The following CADM2 variants were observed in gnomAD, a reference collection of about 807,000 sequenced individuals.
CADM2 encodes the protein cell adhesion molecule 2.
Under a neutral mutation model 49.8 loss-of-function variants are expected in CADM2, and 12 were observed. The observed-to-expected ratio is 0.24, with a 90% CI of 0.15 to 0.39. The LOEUF (loss-of-function observed/expected upper bound fraction) is 0.39, where lower values mean the gene tolerates loss of function less well. Ranked by LOEUF, CADM2 falls within the 10% of genes least tolerant of loss-of-function variation. The pLI is 1.00. For missense variants in CADM2, 378 were observed against 492.3 expected, an observed-to-expected ratio of 0.77 and a Z score of 2.20; for synonymous variants, 214 against 175.4, an observed-to-expected ratio of 1.22 and a Z score of -1.74.
At chr3:85,325,794 T>C (rs1249822730) in intron 1 of CADM2, among the ~76,000 whole-genome samples, 3 of 152,152 alleles carry the variant, frequency 2.0e-5, no homozygotes, top group African/African-American at 4.8e-5. Flanking sequence ...ATTTCTGCTA[T>C]TCCTTTCAAA....
chr3:85,369,340 G>A (rs924258437), intron 1 of CADM2, among the ~76,000 whole-genome samples: 2 of 152,192 alleles, frequency 1.3e-5, no homozygotes, highest in African/African-American at 2.4e-5. Flanking sequence ...GGTCCCAGAA[G>A]ATTATAATGA....
At chr3:85,193,131 A>C (rs887058199) in intron 1 of CADM2, among the ~76,000 whole-genome samples, 4 of 152,098 alleles carry the variant, frequency 2.6e-5, no homozygotes, top group African/African-American at 9.7e-5. Context: ...TTGATATGAC[A>C]GAAAAGTATT....
chr3:85,714,885 C>A (rs557067761), intron 1 of CADM2, among the ~76,000 whole-genome samples: 1 of 152,118 alleles, frequency 6.6e-6, no homozygotes, highest in African/African-American at 2.4e-5. Context: ...CCATTATAAC[C>A]ATTACAAAGC....
At chr3:86,021,095 G>A (rs1301104181) in intron 8 of CADM2, among the ~76,000 whole-genome samples, 2 of 152,110 alleles carry the variant, frequency 1.3e-5, no homozygotes, top group African/African-American at 4.8e-5. Flanking sequence ...CGCCTCCCAG[G>A]TTTAAGTGAT....
intron 1 of CADM2, among the ~76,000 whole-genome samples, chr3:84,978,307 C>T (rs1332589797): frequency 6.6e-6 from 1 of 152,032 alleles, no homozygotes; most frequent in Non-Finnish European, 1.5e-5. Context: ...TTCTGGCACA[C>T]AGTTGTTCAA....
chr3:84,999,491 A>G (rs57540402), intron 1 of CADM2, among the ~76,000 whole-genome samples: 1,887 of 152,272 alleles, frequency 0.012, 37 homozygotes, highest in African/African-American at 0.043. Flanking sequence ...AGCACTAGAT[A>G]GATGGTACTT....
chr3:85,424,649 T>A (rs1199764266), intron 1 of CADM2, among the ~76,000 whole-genome samples: 1 of 152,158 alleles, frequency 6.6e-6, no homozygotes, highest in African/African-American at 2.4e-5. Context: ...AATTTGCTAA[T>A]TACAACAAAA....
chr3:85,889,316 G>A (rs367637390), intron 5 of CADM2, among the ~76,000 whole-genome samples: 51 of 152,216 alleles, frequency 3.4e-4, no homozygotes, highest in African/African-American at 1.2e-3. Context: ...CTTGGTTATA[G>A]AACAGTGGTT....
chr3:85,566,739 G>A (rs981187434), intron 1 of CADM2, among the ~76,000 whole-genome samples: 1 of 152,116 alleles, frequency 6.6e-6, no homozygotes, highest in African/African-American at 2.4e-5. Flanking sequence ...CAAACTTGCA[G>A]CACTTTTAAG....
chr3:85,358,553 T>C (rs1188022956), intron 1 of CADM2, among the ~76,000 whole-genome samples: 10 of 152,102 alleles, frequency 6.6e-5, no homozygotes, highest in Non-Finnish European at 7.4e-5. Flanking sequence ...TGAATATGCA[T>C]TTTAATGTGC....
chr3:85,625,380 GA>G (rs563109375), intron 1 of CADM2, among the ~76,000 whole-genome samples: 1 of 151,488 alleles, frequency 6.6e-6, no homozygotes, highest in African/African-American at 2.4e-5. Flanking sequence ...AGTGAAAAAA[GA>G]AAAAAAGAAA....
At chr3:85,259,208 C>G (rs1395453848) in intron 1 of CADM2, among the ~76,000 whole-genome samples, 1 of 152,148 alleles carries the variant, frequency 6.6e-6, no homozygotes, top group Non-Finnish European at 1.5e-5. Context: ...ACAGTCAAGT[C>G]ATTGAACGCC....
Position 86,038,652 on chromosome 3 carries a change from TC to T in CADM2, c.971-26949del, listed in dbSNP as rs1735466842. ...ATAATTCTACATTCTATTACATTTTTCCCCTGATCTAGAGTAAGAAAGTAGA... is the reference window on the plus strand; with the variant it reads ...ATAATTCTACATTCTATTACATTTTTCCCTGATCTAGAGTAAGAAAGTAGA... On this transcript the variant is annotated intron_variant, in intron 8 of 9. Transcript: ENST00000383699. Among the ~76,000 whole-genome samples, 3 of 152,190 alleles carry T rather than the reference TC, an allele frequency of 2.0e-5. No individual in the cohort carries two copies. The South Asian group carries it at 6.2e-4, about 32-fold the overall frequency.
intron 1 of CADM2, among the ~76,000 whole-genome samples, chr3:85,067,846 A>C (rs1404080348): frequency 6.6e-6 from 1 of 152,182 alleles, no homozygotes; most frequent in Non-Finnish European, 1.5e-5. Flanking sequence ...TTTTCAACAA[A>C]GGGAGAAGTG....
At chr3:85,503,853 C>A (rs1299686399) in intron 1 of CADM2, among the ~76,000 whole-genome samples, 1 of 152,192 alleles carries the variant, frequency 6.6e-6, no homozygotes, top group Non-Finnish European at 1.5e-5. Flanking sequence ...AACCTATAGT[C>A]TTTTCTGCAT....
chr3:85,210,529 T>C (rs1176644806), intron 1 of CADM2, among the ~76,000 whole-genome samples: 2 of 151,998 alleles, frequency 1.3e-5, no homozygotes, highest in African/African-American at 2.4e-5. Flanking sequence ...TTTTCCTCTA[T>C]TTTTGGGGAT....
chr3:85,621,326 T>C (rs956839441), intron 1 of CADM2, among the ~76,000 whole-genome samples: 1 of 152,156 alleles, frequency 6.6e-6, no homozygotes, highest in Admixed American at 6.6e-5. Context: ...CTGAGTTGTT[T>C]TTTAAATAAA....
At chr3:85,062,075 C>T (rs2036348080) in intron 1 of CADM2, among the ~76,000 whole-genome samples, 1 of 151,632 alleles carries the variant, frequency 6.6e-6, no homozygotes, top group South Asian at 2.1e-4. Context: ...CTCTCTCACT[C>T]ATACACACAC....
intron 1 of CADM2, among the ~76,000 whole-genome samples, chr3:85,254,528 A>G (rs1013686889): frequency 6.6e-6 from 1 of 152,046 alleles, no homozygotes; most frequent in Non-Finnish European, 1.5e-5. Flanking sequence ...GAAGCTACCT[A>G]GAGTCCTGAG....
Sources: allele counts gnomAD v4.1 joint callset (sites outside exome capture counted in the v4.1 genomes callset), GRCh38; gene constraint gnomAD v4.1.1; transcripts MANE v1.5; gene names NCBI Gene and HGNC (gene_info 2026-07-23, HGNC 2026-07-21).